Variants in NTSR1 observed in about 807,000 individuals in gnomAD.
NTSR1 encodes the protein neurotensin receptor 1.
NTSR1 carries 29 observed loss-of-function variants against 31.2 expected under a neutral mutation model. The ratio of observed to expected loss-of-function variants is 0.93; its 90% CI spans 0.69 to 1.27. The LOEUF (loss-of-function observed/expected upper bound fraction) is 1.27. Among genes scored for constraint, NTSR1 ranks in the 50% most tolerant of loss-of-function variants. The probability of loss-of-function intolerance (pLI) is 0.00; values close to 1 mark genes in which losing one functional copy is unlikely to be tolerated. For synonymous variants in NTSR1, 282 were observed against 269.9 expected (o/e 1.04, Z -0.44); for missense variants, 697 against 595.4 (o/e 1.17, Z -1.78).
At chr20:62,755,998 C>T (rs551405582) in intron 2 of NTSR1, among the ~76,000 whole-genome samples, 5 of 150,426 alleles carry the variant, frequency 3.3e-5, no homozygotes, top group Admixed American at 2.0e-4. Flanking sequence ...CACTTGCTCA[C>T]GTGCTCACTT....
rs16983207 is a variant in NTSR1, at chr20:62,742,354, C to T, written c.715-12331C>T. Among the ~76,000 whole-genome samples the T allele has an allele frequency of 0.054, 8,077 of 149,418 alleles. 518 individuals carry two copies. Among genetic ancestry groups the T allele is most frequent in the Non-Finnish European group, 0.062 (4,205 of 67,994 alleles). On this transcript the variant is annotated intron_variant, in intron 1 of 3. Coordinates refer to ENST00000370501, the MANE Select transcript of NTSR1 (RefSeq NM_002531.3). The surrounding 1 kb of genome is among the most constrained non-coding windows in gnomAD (Gnocchi z 7.1). ...TCACTGCTGACCACGCGGCAATGTA[C>T]GGCTTTCCAGGCCCCCATCCACCAT...
chr20:62,753,227 G>A (rs938112465), intron 1 of NTSR1, among the ~76,000 whole-genome samples: 10 of 152,186 alleles, frequency 6.6e-5, no homozygotes, highest in African/African-American at 1.2e-4. Context: ...TGCCTCAGCC[G>A]GTGCCCAGAG....
intron 1 of NTSR1, among the ~76,000 whole-genome samples, chr20:62,723,301 C>T (rs1229692947): frequency 6.6e-6 from 1 of 152,220 alleles, no homozygotes; most frequent in Non-Finnish European, 1.5e-5. Flanking sequence ...CCGTGGGATG[C>T]TGCTGTCTGG....
chr20:62,730,079 C>A lies in NTSR1; in HGVS notation c.714+20158C>A, dbSNP rs571986005. Among the ~76,000 whole-genome samples, 52 of 152,222 alleles carry A rather than the reference C, an allele frequency of 3.4e-4. 1 individual carries two copies. Among genetic ancestry groups the A allele is most frequent in the African/African-American group, 1.3e-3 (52 of 41,504 alleles). Reference sequence around the variant, plus strand: ...TTTGCATTAGTGTGGTACATTGTTACAATTAATGAGCCAATATTGATACAT... The same window carrying A: ...TTTGCATTAGTGTGGTACATTGTTAAAATTAATGAGCCAATATTGATACAT... On this transcript the variant is annotated intron_variant, in intron 1 of 3. Transcript: ENST00000370501.
intron 1 of NTSR1, among the ~76,000 whole-genome samples, chr20:62,724,854 C>T (rs997470017): frequency 1.3e-5 from 2 of 152,228 alleles, no homozygotes; most frequent in African/African-American, 4.8e-5. Flanking sequence ...CGAATCGCTC[C>T]TTTCTCTGCT....
intron 1 of NTSR1, among the ~76,000 whole-genome samples, chr20:62,751,929 G>A (rs1989400398): frequency 6.6e-6 from 1 of 152,072 alleles, no homozygotes; most frequent in Non-Finnish European, 1.5e-5. Context: ...TGGCACTGTC[G>A]ATGCCAAATT....
chr20:62,760,042 C>T lies in NTSR1; in HGVS notation c.1032C>T (p.Tyr344=). Reference sequence around the variant, plus strand: ...GGTTCCTCTATGACTTCTACCACTACTTCTACATGGTGACCAACGCACTCT... The same window carrying T: ...GGTTCCTCTATGACTTCTACCACTATTTCTACATGGTGACCAACGCACTCT... ...WTPFLYDFYH[Y]FYMVTNALFY... Residue 344 remains tyrosine (Y), a synonymous_variant, in exon 4 of 4, where the codon TAC becomes TAT. Coordinates refer to ENST00000370501, the MANE Select transcript of NTSR1 (RefSeq NM_002531.3). 1 of 1,614,118 alleles carries T rather than the reference C, an allele frequency of 6.2e-7. No individual in the cohort carries two copies.
chr20:62,749,547 AG>A (rs1161890969), intron 1 of NTSR1, among the ~76,000 whole-genome samples: 1 of 152,210 alleles, frequency 6.6e-6, no homozygotes, highest in East Asian at 1.9e-4. Context: ...TAAAATGAAA[AG>A]TCTCTGCACA....
In NTSR1 at chr20:62,709,466, A is replaced by C; in HGVS notation, c.259A>C (p.Thr87Pro). 1.2e-6 allele frequency: 2 copies of C among 1,612,588 alleles called. No homozygotes were observed. The highest frequency in any genetic ancestry group is 2.2e-5 in the South Asian group (2 of 91,074). Residue 87 changes from threonine to proline, a missense_variant, in exon 1 of 4, where the codon ACG becomes CCG. Coordinates refer to ENST00000370501, the MANE Select transcript of NTSR1 (RefSeq NM_002531.3). ...GGTGGGCAACACGGTGACGGCGTTC[A>C]CGCTGGCGCGGAAGAAGTCGCTGCA... ...GTVGNTVTAF[T>P]LARKKSLQSL...
intron 2 of NTSR1, among the ~76,000 whole-genome samples, chr20:62,756,414 A>G (rs1989514469): frequency 6.6e-6 from 1 of 152,210 alleles, no homozygotes; most frequent in African/African-American, 2.4e-5. Flanking sequence ...TGGGAACTGG[A>G]GAGAATGAAG....
At chr20:62,727,042 G>C (rs939964939) in intron 1 of NTSR1, among the ~76,000 whole-genome samples, 1 of 152,234 alleles carries the variant, frequency 6.6e-6, no homozygotes, top group Non-Finnish European at 1.5e-5. Flanking sequence ...AGCTGGAGGA[G>C]AAGGGTTTCT....
At chr20:62,738,221 G>A (rs1025381193) in intron 1 of NTSR1, among the ~76,000 whole-genome samples, 4 of 152,222 alleles carry the variant, frequency 2.6e-5, no homozygotes, top group East Asian at 1.9e-4. Flanking sequence ...CCAGGTGCAC[G>A]CAGAGGGTGA....
chr20:62,734,959 G>T (rs767715068), intron 1 of NTSR1, among the ~76,000 whole-genome samples: 1 of 152,310 alleles, frequency 6.6e-6, no homozygotes, highest in South Asian at 2.1e-4. Flanking sequence ...AGCAGCCCTC[G>T]GGTGGCTTTG....
At chr20:62,731,454 T>TC (rs201724717) in intron 1 of NTSR1, among the ~76,000 whole-genome samples, 1,872 of 152,284 alleles carry the variant, frequency 0.012, 44 homozygotes, top group African/African-American at 0.043. Flanking sequence ...TGATGTTGCA[T>TC]CTAAAAACTC....
At position 62,709,790 on chromosome 20, in the gene NTSR1, G is replaced by T. The variant is rs1160747191; in HGVS notation, c.583G>T (p.Ala195Ser). 1.9e-6 allele frequency: 3 copies of T among 1,612,944 alleles called. No individual in the cohort carries two copies. In the East Asian group the frequency reaches 6.7e-5, roughly 36 times the overall value. ...TKKFISAIWL[A>S]SALLAVPMLF... ...GAAGTTCATCAGCGCCATCTGGCTC[G>T]CCTCGGCCCTGCTGGCGGTGCCTAT... The change falls in exon 1 of 4, where the codon GCC (alanine) becomes TCC (serine). Residue 195 changes from alanine (A) to serine (S), a missense_variant. Physicochemically the swap from Ala to Ser is moderately conservative, Grantham distance 99. Transcript: ENST00000370501.
chr20:62,713,409 C>T (rs909192925), intron 1 of NTSR1, among the ~76,000 whole-genome samples: 9 of 152,164 alleles, frequency 5.9e-5, no homozygotes, highest in African/African-American at 1.9e-4. Context: ...GATCACAGGG[C>T]GACTTGGCAA....
Position 62,748,635 on chromosome 20 carries a change from A to G in NTSR1, c.715-6050A>G, listed in dbSNP as rs997670862. On this transcript the variant is annotated intron_variant, in intron 1 of 3. Transcript: ENST00000370501. ...AAACCCACTTTCGTACAGTCAAATC[A>G]TCTTTGACAAGGTGCTATGGTTTGA... Among the ~76,000 whole-genome samples, 8 of 152,306 alleles carry G rather than the reference A, an allele frequency of 5.3e-5. No homozygotes were observed. In the East Asian group the frequency reaches 1.5e-3, roughly 29 times the overall value.
rs1308344890 is a variant in NTSR1 at position 62,711,161 on chromosome 20, A to G, written c.714+1240A>G. ...GGTGGGCTGGGGGGTGGAGGAGGGT[A>G]GAACTGAGCTCCCAGTCTCCCTGGC... is the stretch of plus-strand genomic sequence containing the variant. On this transcript the variant is annotated intron_variant, in intron 1 of 3. Transcript: ENST00000370501. This position sits in a 1 kb window ranked among gnomAD's most constrained non-coding sequence, Gnocchi z 6.4. Among the ~76,000 whole-genome samples the G allele has an allele frequency of 6.6e-6, 1 of 152,068 alleles. No homozygotes were observed. The highest frequency in any genetic ancestry group is 1.5e-5 in the Non-Finnish European group (1 of 67,984).
rs1233059826 is a variant in NTSR1, at chr20:62,709,000, G to T, written c.-208G>T. The T allele has an allele frequency of 1.5e-5, 7 of 454,526 alleles. No homozygotes were observed. Among genetic ancestry groups the T allele is most frequent in the Non-Finnish European group, 2.7e-5 (7 of 261,794 alleles). The allele number at this position is 454,526 out of a possible 1,614,324, so 28.2% of individuals were successfully genotyped here. ...TGGAGCTAGGAGCCGGAAGCTGGGA[G>T]TCCGGAGGAGAGCGGAGCCCGGAGC... is the stretch of plus-strand genomic sequence containing the variant. On this transcript the variant is annotated 5_prime_UTR_variant, in exon 1 of 4. Transcript: ENST00000370501. This position sits in a 1 kb window ranked among gnomAD's most constrained non-coding sequence, Gnocchi z 5.9.
Sources: gnomAD v4.1 joint callset for allele counts (sites outside exome capture counted in the v4.1 genomes callset) on GRCh38, gnomAD v4.1.1 for gene constraint, Gnocchi (gnomAD v3.1) non-coding constraint, MANE v1.5 for transcripts, NCBI Gene and HGNC (gene_info 2026-07-23, HGNC 2026-07-21) for gene names.